Variants in AGPS observed in about 807,000 individuals in gnomAD.
The protein encoded by AGPS is alkyldihydroxyacetonephosphate synthase, peroxisomal.
A neutral mutation model predicts 90.7 loss-of-function variants in AGPS; 26 were observed. That is an observed-to-expected ratio of 0.29 (90% CI 0.21 to 0.40). AGPS has a LOEUF of 0.40. Ranked by LOEUF, AGPS falls within the 10% of genes least tolerant of loss-of-function variation. The pLI, the probability that AGPS is intolerant of heterozygous loss-of-function variation, is 1.00. For synonymous variants in AGPS, 294 were observed against 285.3 expected, an observed-to-expected ratio of 1.03 and a Z score of -0.31; for missense variants, 540 against 816.1, an observed-to-expected ratio of 0.66 and a Z score of 4.12.
chr2:177,452,315 C>G (rs1455385360), intron 8 of AGPS, among the ~76,000 whole-genome samples: 1 of 152,072 alleles, frequency 6.6e-6, no homozygotes, highest in African/African-American at 2.4e-5. Context: ...TTGTATATTT[C>G]TTCTGCAGTT....
chr2:177,513,456 A>G (rs1250492432), intron 16 of AGPS, among the ~76,000 whole-genome samples: 1 of 152,184 alleles, frequency 6.6e-6, no homozygotes, highest in Non-Finnish European at 1.5e-5. Context: ...CCTGTAACCT[A>G]GAATCGAATT....
intron 19 of AGPS, among the ~76,000 whole-genome samples, chr2:177,525,856 T>G (rs2079082009): frequency 6.6e-6 from 1 of 152,224 alleles, no homozygotes; most frequent in Non-Finnish European, 1.5e-5. Context: ...ATAGTGTCTA[T>G]TTGTAAGATG....
chr2:177,416,647 T>C (rs1026676233), intron 1 of AGPS, among the ~76,000 whole-genome samples: 4 of 152,144 alleles, frequency 2.6e-5, no homozygotes, highest in African/African-American at 9.6e-5. Flanking sequence ...TGCCTCAGCC[T>C]CCTGAGCACC....
At chr2:177,415,888 A>C (rs535386360) in intron 1 of AGPS, among the ~76,000 whole-genome samples, 1 of 152,084 alleles carries the variant, frequency 6.6e-6, no homozygotes, top group Non-Finnish European at 1.5e-5. Context: ...TGAGTTTTAT[A>C]TCAGGGCAAG....
chr2:177,460,846 A>G (rs953865874), intron 8 of AGPS, among the ~76,000 whole-genome samples: 8 of 152,222 alleles, frequency 5.3e-5, no homozygotes, highest in African/African-American at 1.7e-4. Context: ...CTTTTATTAT[A>G]TAACAGTTGA....
At chr2:177,429,022 T>G (rs1029149665) in intron 2 of AGPS, among the ~76,000 whole-genome samples, 1 of 152,170 alleles carries the variant, frequency 6.6e-6, no homozygotes, top group African/African-American at 2.4e-5. Context: ...TTCTTTTCAT[T>G]CTTTTTTCTC....
At chr2:177,413,908 A>C (rs1685710569) in intron 1 of AGPS, among the ~76,000 whole-genome samples, 1 of 152,166 alleles carries the variant, frequency 6.6e-6, no homozygotes, top group African/African-American at 2.4e-5. Context: ...AACAGTAACA[A>C]GTTTCTAATT....
intron 8 of AGPS, among the ~76,000 whole-genome samples, chr2:177,452,500 T>C (rs1486241041): frequency 6.6e-6 from 1 of 152,194 alleles, no homozygotes; most frequent in Non-Finnish European, 1.5e-5. Context: ...CTATTGGAGT[T>C]TTCTTAGCAT....
At position 177,518,489 on chromosome 2, in the gene AGPS, A is replaced by G. The variant is rs145172649; in HGVS notation, c.1698-2780A>G. On this transcript the variant is annotated intron_variant, in intron 17 of 19. Coordinates refer to ENST00000264167, the MANE Select transcript of AGPS (RefSeq NM_003659.4). ...TGGGGAGAAACTTTGAGACTATGCA[A>G]ATATCCTGTTTCTTATATCATCTCC... 1.5e-3 allele frequency among the ~76,000 whole-genome samples: 223 copies of G among 152,246 alleles called. 3 individuals are homozygous for G. Among genetic ancestry groups the G allele is most frequent in the African/African-American group, 5.2e-3 (216 of 41,542 alleles).
At chr2:177,499,786 A>C in intron 14 of AGPS, 56 bp downstream of exon 14, 1 of 1,146,102 alleles carries the variant, frequency 8.7e-7, no homozygotes, top group Admixed American at 1.7e-5. Context: ...AGATTCTAAT[A>C]TCACCAAGCA....
rs1157459811 is a variant in AGPS, at chr2:177,543,217, G to T, written c.*5022G>T. ...ATTCTTTCTGGATGTTTGCTCACAG[G>T]CTCCCTGAGGAGCAGAACCTGTGGA... On this transcript the variant is annotated 3_prime_UTR_variant, in exon 20 of 20. Coordinates refer to ENST00000264167, the MANE Select transcript of AGPS (RefSeq NM_003659.4). 5 of 152,150 alleles carry T rather than the reference G, an allele frequency of 3.3e-5. No individual in the cohort carries two copies. Among genetic ancestry groups the T allele is most frequent in the African/African-American group, 1.2e-4 (5 of 41,420 alleles). The allele number at this position is 152,150 out of a possible 1,614,324, so 9.4% of individuals were successfully genotyped here.
intron 8 of AGPS, 66 bp downstream of exon 8, chr2:177,445,692 C>A: frequency 8.5e-7 from 1 of 1,175,044 alleles, no homozygotes; most frequent in Non-Finnish European, 1.2e-6. Context: ...GATGTTATTT[C>A]TTTAATGAAA....
chr2:177,508,626 A>G (rs1273531805), intron 16 of AGPS, among the ~76,000 whole-genome samples: 3 of 152,312 alleles, frequency 2.0e-5, no homozygotes, highest in Middle Eastern at 3.4e-3. Context: ...TACATACAGT[A>G]TTGGTTAGTG....
rs916563124 is a variant in AGPS at position 177,492,091 on chromosome 2, C to T, written c.1234-1057C>T. On this transcript the variant is annotated intron_variant, in intron 11 of 19. Coordinates refer to ENST00000264167, the MANE Select transcript of AGPS (RefSeq NM_003659.4). ...GTGAGCCACTGCACCCATCCCCTCC[C>T]ATTTTCTGATATATGTGTACTTACG... Among the ~76,000 whole-genome samples the T allele has an allele frequency of 3.3e-5, 5 of 152,074 alleles. No individual in the cohort carries two copies. The South Asian group carries it at 8.3e-4, about 25-fold the overall frequency.
chr2:177,493,879 G>A (rs1412040804), intron 12 of AGPS, among the ~76,000 whole-genome samples: 1 of 152,160 alleles, frequency 6.6e-6, no homozygotes, highest in Non-Finnish European at 1.5e-5. Context: ...TTTGAGCATG[G>A]CAGCAGCAAT....
At chr2:177,527,684 A>T (rs1400941532) in intron 19 of AGPS, among the ~76,000 whole-genome samples, 1 of 152,098 alleles carries the variant, frequency 6.6e-6, no homozygotes, top group Non-Finnish European at 1.5e-5. Context: ...CTATGTGTAT[A>T]AGTTATGTGC....
intron 8 of AGPS, among the ~76,000 whole-genome samples, chr2:177,452,482 TA>T (rs1225256132): frequency 1.1e-4 from 17 of 152,226 alleles, no homozygotes; most frequent in African/African-American, 3.9e-4. Flanking sequence ...TTTCTGATAC[TA>T]AAATAGCTAT....
intron 9 of AGPS, among the ~76,000 whole-genome samples, chr2:177,462,625 C>T (rs554024555): frequency 2.0e-5 from 3 of 151,616 alleles, no homozygotes; most frequent in East Asian, 1.9e-4. Flanking sequence ...CCACTGGTTT[C>T]GTATCCACAA....
chr2:177,502,879 C>T (rs199838276), intron 14 of AGPS, among the ~76,000 whole-genome samples: 1 of 40,244 alleles, frequency 2.5e-5, no homozygotes, highest in East Asian at 4.8e-3. Context: ...CCACTCTTCC[C>T]ACCTCAATCC....
Sources: gnomAD v4.1 joint callset for allele counts (sites outside exome capture counted in the v4.1 genomes callset) on GRCh38, gnomAD v4.1.1 for gene constraint, MANE v1.5 for transcripts, NCBI Gene and HGNC (gene_info 2026-07-23, HGNC 2026-07-21) for gene names.